LDLRAD4: variants seen among roughly 807,000 people sequenced by gnomAD.
The protein encoded by LDLRAD4 is low density lipoprotein receptor class A domain containing 4, also known as low-density lipoprotein receptor class A domain-containing protein 4.
LDLRAD4 carries 5 observed loss-of-function variants against 17.0 expected under a neutral mutation model. The ratio of observed to expected loss-of-function variants is 0.29; its 90% confidence interval spans 0.15 to 0.62. The LOEUF is 0.62. LDLRAD4 is among the 20% of genes least tolerant of loss of function. The pLI is 0.84. For missense variants in LDLRAD4, 340 were observed against 424.7 expected, an observed-to-expected ratio of 0.80 and a Z score of 1.75; for synonymous variants, 168 against 171.8, an observed-to-expected ratio of 0.98 and a Z score of 0.17.
chr18:13,264,732 A>T (rs2044117495), intron 1 of LDLRAD4, among the ~76,000 whole-genome samples: 1 of 152,206 alleles, frequency 6.6e-6, no homozygotes, highest in Non-Finnish European at 1.5e-5. Flanking sequence ...CAGGATTCTG[A>T]ATCTGGATTG....
chr18:13,260,769 A>T (rs915912413), intron 1 of LDLRAD4, among the ~76,000 whole-genome samples: 1 of 151,948 alleles, frequency 6.6e-6, no homozygotes, highest in African/African-American at 2.4e-5. Context: ...TTGAATACCC[A>T]CTGTTCCTTC....
exon 3 of LDLRAD4, chr18:13,438,264 A>G (rs1444022879): frequency 6.2e-7 from 1 of 1,614,024 alleles, no homozygotes; most frequent in Non-Finnish European, 8.5e-7. Flanking sequence ...CACCTGCACC[A>G]GTGGTAAATG....
In LDLRAD4 at chr18:13,391,339, G is replaced by A. The variant is rs115646891; in HGVS notation, c.40+3577G>A. ...GCTGGGAGACCTGCCATGAAGCTGC[G>A]TTTGTTTGGAGCGTGTGAAAGTACC... On this transcript the variant is annotated intron_variant, in intron 2 of 5. Transcript: ENST00000359446. Among the ~76,000 whole-genome samples the A allele has an allele frequency of 2.4e-3, 358 of 152,230 alleles. 2 individuals carry two copies. Among genetic ancestry groups the A allele is most frequent in the African/African-American group, 8.4e-3 (348 of 41,544 alleles).
chr18:13,609,225 C>G (rs1241993186), intron 3 of LDLRAD4, among the ~76,000 whole-genome samples: 1 of 152,240 alleles, frequency 6.6e-6, no homozygotes, highest in Non-Finnish European at 1.5e-5. Context: ...GAAATATTGG[C>G]AGCTCTCAGC....
rs76419421 is a variant in LDLRAD4, at chr18:13,537,625, G to A, written c.182-83492G>A. Among the ~76,000 whole-genome samples the A allele has an allele frequency of 8.2e-3, 1,245 of 152,220 alleles. 12 individuals are homozygous for A. The highest frequency in any genetic ancestry group is 0.025 in the African/African-American group (1,043 of 41,512). On this transcript the variant is annotated intron_variant, in intron 3 of 5. Coordinates refer to ENST00000359446, the Ensembl canonical transcript of LDLRAD4. ...CCTAACAGTCCATGAACCGGTACTCGTCTGCAGCCCAGAGGTTGGGGACCC... is the reference window on the plus strand; with the variant it reads ...CCTAACAGTCCATGAACCGGTACTCATCTGCAGCCCAGAGGTTGGGGACCC...
chr18:13,560,340 G>A (rs1294040690), intron 3 of LDLRAD4, among the ~76,000 whole-genome samples: 28 of 152,204 alleles, frequency 1.8e-4, no homozygotes, highest in Admixed American at 1.8e-3. Context: ...TTCTGAGCAG[G>A]TGTTTGGAAG....
intron 3 of LDLRAD4, among the ~76,000 whole-genome samples, chr18:13,465,751 A>G (rs542363654): frequency 2.6e-5 from 4 of 152,296 alleles, no homozygotes; most frequent in Admixed American, 2.0e-4. Context: ...AAAGACACTG[A>G]GTCTGTTTAG....
chr18:13,602,501 T>A (rs1478027907), intron 3 of LDLRAD4, among the ~76,000 whole-genome samples: 1 of 146,922 alleles, frequency 6.8e-6, no homozygotes, highest in African/African-American at 2.5e-5. Flanking sequence ...TAATTTTTTT[T>A]TTTTTTTTTT....
At chr18:13,318,819 G>A (rs1050443367) in intron 1 of LDLRAD4, among the ~76,000 whole-genome samples, 4 of 152,204 alleles carry the variant, frequency 2.6e-5, no homozygotes, top group Admixed American at 6.5e-5. Context: ...TGTCTGGTGG[G>A]TGTGTGTGGG....
chr18:13,319,311 C>T lies in LDLRAD4; in HGVS notation c.-383+41123C>T, dbSNP rs2081097857. ...TTCACGGGCGAGTAACAGAGGTGCG[C>T]AGTGGCGGGGCAGCTGGCCCAGGTC... On this transcript the variant is annotated intron_variant, in intron 1 of 5. Transcript: ENST00000359446. 2.6e-5 allele frequency among the ~76,000 whole-genome samples: 4 copies of T among 152,286 alleles called. No homozygotes were observed. In the South Asian group the frequency reaches 8.3e-4, roughly 32 times the overall value.
rs187721111 is a variant in LDLRAD4, at chr18:13,580,303, C to T, written c.182-40814C>T. Among the ~76,000 whole-genome samples, 42 of 152,284 alleles carry T rather than the reference C, an allele frequency of 2.8e-4. 1 individual carries two copies. In the East Asian group the frequency reaches 4.2e-3, roughly 15 times the overall value. ...TGGGTCTAGGCACAGCTGTGGTCACCCCACCTTGGCTTGTGACCCCACCTT... is the reference window on the plus strand; with the variant it reads ...TGGGTCTAGGCACAGCTGTGGTCACTCCACCTTGGCTTGTGACCCCACCTT... On this transcript the variant is annotated intron_variant, in intron 3 of 5. Coordinates refer to ENST00000359446, the Ensembl canonical transcript of LDLRAD4.
chr18:13,371,494 C>T (rs758083138), intron 1 of LDLRAD4, among the ~76,000 whole-genome samples: 4 of 152,132 alleles, frequency 2.6e-5, no homozygotes, highest in African/African-American at 9.7e-5. Context: ...GTTGGCCGGG[C>T]GCAGTGGCTC....
chr18:13,503,958 A>G (rs1439176542), intron 3 of LDLRAD4, among the ~76,000 whole-genome samples: 2 of 152,222 alleles, frequency 1.3e-5, no homozygotes, highest in African/African-American at 4.8e-5. Context: ...CAAGGCTCAT[A>G]TAGTACATAA....
intron 3 of LDLRAD4, among the ~76,000 whole-genome samples, chr18:13,466,738 C>CGA (rs1353286361): frequency 1.3e-5 from 2 of 152,192 alleles, no homozygotes; most frequent in African/African-American, 4.8e-5. Flanking sequence ...TCTCATTGTT[C>CGA]TGGAGGTCGG....
chr18:13,269,818 C>T (rs2044424036), intron 1 of LDLRAD4, among the ~76,000 whole-genome samples: 2 of 152,358 alleles, frequency 1.3e-5, no homozygotes, highest in South Asian at 2.1e-4. Context: ...TCTTCGACCC[C>T]TTCCTCCTGG....
intron 1 of LDLRAD4, among the ~76,000 whole-genome samples, chr18:13,375,141 A>G (rs1310124588): frequency 6.6e-6 from 1 of 152,186 alleles, no homozygotes; most frequent in African/African-American, 2.4e-5. Flanking sequence ...CTCTGTGCTC[A>G]CTGTAAAACC....
At chr18:13,642,628 C>T in intron 4 of LDLRAD4, 3 of 1,230,866 alleles carry the variant, frequency 2.4e-6, no homozygotes, top group Non-Finnish European at 3.0e-6. Context: ...TGCGCCTCTG[C>T]TGGAGGCCGG....
intron 3 of LDLRAD4, chr18:13,521,735 T>G (rs539992359): frequency 6.6e-6 from 1 of 152,096 alleles, no homozygotes; most frequent in South Asian, 2.1e-4. Flanking sequence ...CTGCTCTGTT[T>G]TGGCATACAA....
At chr18:13,634,457 T>A (rs1304062223) in intron 4 of LDLRAD4, among the ~76,000 whole-genome samples, 1 of 152,144 alleles carries the variant, frequency 6.6e-6, no homozygotes, top group Admixed American at 6.5e-5. Flanking sequence ...TTAAGAAAAT[T>A]CCATTTTCAA....
Sources: gnomAD v4.1 joint callset for allele counts (sites outside exome capture counted in the v4.1 genomes callset) on GRCh38, gnomAD v4.1.1 for gene constraint, MANE v1.5 for transcripts, NCBI Gene and HGNC (gene_info 2026-07-23, HGNC 2026-07-21) for gene names.